ZBTB44: variants seen among roughly 807,000 people sequenced by gnomAD.
The protein encoded by ZBTB44 is zinc finger and BTB domain-containing protein 44.
Under a neutral mutation model 54.0 loss-of-function variants are expected in ZBTB44, and 15 were observed. That is an observed-to-expected ratio of 0.28 (90% CI 0.19 to 0.43). ZBTB44 has a LOEUF of 0.43. ZBTB44 is among the 20% of genes least tolerant of loss of function. The pLI is 1.00. For missense variants in ZBTB44, 487 were observed against 707.1 expected (o/e 0.69, Z 3.53); for synonymous variants, 230 against 250.1 (o/e 0.92, Z 0.76).
intron 4 of ZBTB44, among the ~76,000 whole-genome samples, chr11:130,237,983 C>A (rs1310495922): frequency 1.3e-5 from 2 of 152,138 alleles, no homozygotes; most frequent in African/African-American, 4.8e-5. Context: ...CTCATCAGGG[C>A]ACACAGAGAT....
chr11:130,294,284 C>T (rs1173914796), intron 1 of ZBTB44, among the ~76,000 whole-genome samples: 6 of 151,858 alleles, frequency 4.0e-5, no homozygotes, highest in African/African-American at 1.5e-4. Context: ...TGGTGCACGC[C>T]TGTAACCCCA....
At chr11:130,234,127 G>C (rs1321711116) in intron 6 of ZBTB44, 29 bp downstream of exon 6, 1 of 1,544,078 alleles carries the variant, frequency 6.5e-7, no homozygotes, top group Admixed American at 2.0e-5. Flanking sequence ...CAAGGGAAAA[G>C]TGCTTTCACA....
intron 2 of ZBTB44, among the ~76,000 whole-genome samples, chr11:130,249,829 G>A (rs967014505): frequency 1.3e-4 from 20 of 152,168 alleles, no homozygotes; most frequent in Non-Finnish European, 4.4e-5. Context: ...AAAACTGGGC[G>A]GCTGTTTGGG....
intron 2 of ZBTB44, among the ~76,000 whole-genome samples, chr11:130,248,914 G>T (rs1245637087): frequency 2.0e-5 from 3 of 152,018 alleles, no homozygotes; most frequent in Non-Finnish European, 2.9e-5. Flanking sequence ...GACCAACCTG[G>T]CCCACATGGT....
chr11:130,285,673 C>A, intron 1 of ZBTB44: 2 of 269,584 alleles, frequency 7.4e-6, no homozygotes, highest in South Asian at 5.2e-5. Context: ...TTTGCTGCTT[C>A]TACAATTCTT....
intron 2 of ZBTB44, among the ~76,000 whole-genome samples, chr11:130,252,669 ACT>A (rs1938116302): frequency 6.6e-6 from 1 of 152,182 alleles, no homozygotes; most frequent in African/African-American, 2.4e-5. Flanking sequence ...TCCTTCTGAA[ACT>A]ATTCCAATCA....
rs561613404 is a variant in ZBTB44 at position 130,306,148 on chromosome 11, C to T, written c.-57+8227G>A. Among the ~76,000 whole-genome samples the T allele has an allele frequency of 2.0e-5, 3 of 152,198 alleles. No individual in the cohort carries two copies. In the South Asian group the frequency reaches 6.2e-4, roughly 32 times the overall value. On this transcript the variant is annotated intron_variant, in intron 1 of 7. Coordinates refer to ENST00000357899, the MANE Select transcript of ZBTB44 (RefSeq NM_001301098.2). ...GTGGTGAAAAGGGAACACTTTTACACTGCTGGTGGAAATGTAAACTAGTAC... is the reference window on the plus strand; with the variant it reads ...GTGGTGAAAAGGGAACACTTTTACATTGCTGGTGGAAATGTAAACTAGTAC...
chr11:130,279,028 T>C (rs1305086223), intron 1 of ZBTB44, among the ~76,000 whole-genome samples: 3 of 152,196 alleles, frequency 2.0e-5, no homozygotes, highest in East Asian at 1.9e-4. Flanking sequence ...ACTGACATTT[T>C]TGATAATATA....
chr11:130,279,850 T>G (rs1232271514), intron 1 of ZBTB44, among the ~76,000 whole-genome samples: 2 of 152,210 alleles, frequency 1.3e-5, no homozygotes, highest in African/African-American at 4.8e-5. Flanking sequence ...CTACACATTA[T>G]CTTCCCAATT....
intron 1 of ZBTB44, among the ~76,000 whole-genome samples, chr11:130,276,427 GTTTCTTTTTTT>G (rs888325253): frequency 1.8e-4 from 27 of 147,144 alleles, no homozygotes; most frequent in South Asian, 1.7e-3. Context: ...TTTTCTATAC[GTTTCTTTTTTT>G]TTTCTTTTTT....
At chr11:130,297,830 A>C (rs893915297) in intron 1 of ZBTB44, among the ~76,000 whole-genome samples, 1 of 152,260 alleles carries the variant, frequency 6.6e-6, no homozygotes, top group Non-Finnish European at 1.5e-5. Flanking sequence ...GCACCCTAGC[A>C]AACTAATACA....
At chr11:130,311,806 A>G (rs181783899) in intron 1 of ZBTB44, among the ~76,000 whole-genome samples, 1 of 152,310 alleles carries the variant, frequency 6.6e-6, no homozygotes, top group Admixed American at 6.5e-5. Flanking sequence ...CAAAGAAAGT[A>G]TAAGATAAAC....
intron 1 of ZBTB44, among the ~76,000 whole-genome samples, chr11:130,273,483 T>C (rs1214305763): frequency 1.3e-5 from 2 of 151,900 alleles, no homozygotes; most frequent in East Asian, 3.9e-4. Flanking sequence ...TGGCTAATTT[T>C]TGTATTTTTT....
At chr11:130,255,727 T>C (rs2136392636) in intron 2 of ZBTB44, among the ~76,000 whole-genome samples, 1 of 152,044 alleles carries the variant, frequency 6.6e-6, no homozygotes, top group South Asian at 2.1e-4. Context: ...TCATTATTGA[T>C]CCCACAGAAA....
intron 2 of ZBTB44, among the ~76,000 whole-genome samples, chr11:130,254,991 G>C (rs1384569600): frequency 6.9e-6 from 1 of 145,278 alleles, no homozygotes; most frequent in Admixed American, 7.4e-5. Context: ...ACCAAACACT[G>C]CATGTTCTCA....
chr11:130,277,354 TGACA>T (rs767144945), intron 1 of ZBTB44, among the ~76,000 whole-genome samples: 24 of 152,262 alleles, frequency 1.6e-4, no homozygotes, highest in Non-Finnish European at 2.9e-4. Flanking sequence ...TTAATTCTTG[TGACA>T]GACAAAAACA....
chr11:130,284,210 A>C (rs973436219), intron 1 of ZBTB44, among the ~76,000 whole-genome samples: 1 of 152,232 alleles, frequency 6.6e-6, no homozygotes, highest in Non-Finnish European at 1.5e-5. Context: ...TTATAGAATT[A>C]TACTGTATAT....
At chr11:130,312,502 T>A (rs1257405528) in intron 1 of ZBTB44, among the ~76,000 whole-genome samples, 1 of 152,184 alleles carries the variant, frequency 6.6e-6, no homozygotes, top group African/African-American at 2.4e-5. Context: ...TAACTTCCAG[T>A]TAATAGGAAA....
At chr11:130,294,005 G>A (rs2134386408) in intron 1 of ZBTB44, among the ~76,000 whole-genome samples, 1 of 152,256 alleles carries the variant, frequency 6.6e-6, no homozygotes, top group Non-Finnish European at 1.5e-5. Context: ...AAGTCATGCT[G>A]ATTGTTACTT....
Sources: allele counts gnomAD v4.1 joint callset (sites outside exome capture counted in the v4.1 genomes callset), GRCh38; gene constraint gnomAD v4.1.1; transcripts MANE v1.5; gene names NCBI Gene and HGNC (gene_info 2026-07-23, HGNC 2026-07-21).